Variants in ABLIM1 observed in about 807,000 individuals in gnomAD.
ABLIM1 encodes the protein actin-binding LIM protein 1.
A neutral mutation model predicts 107.0 loss-of-function variants in ABLIM1; 40 were observed. That is an observed-to-expected ratio of 0.37 (90% CI 0.29 to 0.49). ABLIM1 has a LOEUF of 0.49. Among genes scored for constraint, ABLIM1 ranks in the 20% least tolerant of loss-of-function variants. ABLIM1 has a pLI of 0.97. For synonymous variants in ABLIM1, 357 were observed against 357.3 expected (o/e 1.00, Z 0.01); for missense variants, 857 against 1,008.5 (o/e 0.85, Z 2.04).
intron 6 of ABLIM1, among the ~76,000 whole-genome samples, chr10:114,505,977 A>G (rs148258263): frequency 1.3e-4 from 20 of 152,340 alleles, no homozygotes; most frequent in Admixed American, 2.0e-4. Context: ...GGTAGTAAGC[A>G]TAGTAACTGA....
At chr10:114,623,823 G>T (rs929092291) in intron 1 of ABLIM1, among the ~76,000 whole-genome samples, 3 of 152,152 alleles carry the variant, frequency 2.0e-5, no homozygotes, top group African/African-American at 7.2e-5. Flanking sequence ...AAAAAGCCAG[G>T]ATCTTCATAG....
intron 3 of ABLIM1, among the ~76,000 whole-genome samples, chr10:114,574,034 A>C (rs2072097742): frequency 1.3e-5 from 2 of 152,234 alleles, no homozygotes; most frequent in South Asian, 4.1e-4. Flanking sequence ...AAGTTATTTA[A>C]ATAATTTTAT....
intron 6 of ABLIM1, among the ~76,000 whole-genome samples, chr10:114,529,448 A>G (rs2065224244): frequency 6.6e-6 from 1 of 152,000 alleles, no homozygotes; most frequent in Non-Finnish European, 1.5e-5. Context: ...ACTCTCCTAT[A>G]TTTGGATGAT....
upstream of ABLIM1, among the ~76,000 whole-genome samples, chr10:114,659,059 C>T (rs940071679): frequency 1.3e-4 from 20 of 152,270 alleles, no homozygotes; most frequent in African/African-American, 4.8e-4. Context: ...ATACAAAAGT[C>T]CCAAGTCAAA....
At chr10:114,627,851 G>A (rs1479212110) in intron 1 of ABLIM1, among the ~76,000 whole-genome samples, 17 of 152,150 alleles carry the variant, frequency 1.1e-4, no homozygotes, top group Non-Finnish European at 2.1e-4. Context: ...GCCTGGGAAC[G>A]GTGGCTCTTG....
chr10:114,463,086 G>A (rs1589957840), intron 12 of ABLIM1: 2 of 1,340,418 alleles, frequency 1.5e-6, no homozygotes. Context: ...AGGGGGGTTG[G>A]GGCGGGAGTC....
At chr10:114,714,809 G>A (rs1566266001) in intron 1 of ABLIM1, among the ~76,000 whole-genome samples, 2 of 152,178 alleles carry the variant, frequency 1.3e-5, no homozygotes, top group African/African-American at 2.4e-5. Context: ...GCTGTAACAA[G>A]AAGTAAAGAA....
At chr10:114,778,166 C>A in the ABLIM1 span, 1 of 152,856 alleles carries the variant, frequency 6.5e-6, no homozygotes, top group Non-Finnish European at 1.5e-5. Context: ...GAGTTTGAGA[C>A]CAGCCTGGGC....
chr10:114,483,726 T>A (rs751977289), intron 8 of ABLIM1, among the ~76,000 whole-genome samples: 1 of 152,150 alleles, frequency 6.6e-6, no homozygotes, highest in African/African-American at 2.4e-5. Context: ...ACTCTTCTTA[T>A]CCTTAGCGCA....
At chr10:114,468,521 C>G (rs1279098488) in intron 10 of ABLIM1, among the ~76,000 whole-genome samples, 1 of 151,990 alleles carries the variant, frequency 6.6e-6, no homozygotes, top group Non-Finnish European at 1.5e-5. Context: ...TGATCCGCCC[C>G]CCTTAGCCTC....
At chr10:114,739,651 A>AT (rs909206027) in intron 1 of ABLIM1, among the ~76,000 whole-genome samples, 15 of 151,900 alleles carry the variant, frequency 9.9e-5, no homozygotes, top group Non-Finnish European at 1.5e-4. Context: ...TGATTTCTTG[A>AT]TTTTTTTTAA....
chr10:114,677,947 G>C (rs1481098824), intron 1 of ABLIM1, among the ~76,000 whole-genome samples: 5 of 152,184 alleles, frequency 3.3e-5, no homozygotes, highest in African/African-American at 9.6e-5. Context: ...AAGTTGGTGA[G>C]TAAAATCTAG....
intron 1 of ABLIM1, among the ~76,000 whole-genome samples, chr10:114,640,059 C>T (rs2078667851): frequency 6.6e-6 from 1 of 152,188 alleles, no homozygotes; most frequent in Non-Finnish European, 1.5e-5. Flanking sequence ...TATATTCCTT[C>T]CTATCCATGT....
Position 114,453,474 on chromosome 10 carries a change from G to A in ABLIM1, c.1451C>T (p.Pro484Leu), listed in dbSNP as rs200916204. The A allele has an allele frequency of 5.0e-5, 80 of 1,589,342 alleles. 2 individuals carry two copies. Among genetic ancestry groups the A allele is most frequent in the East Asian group, 4.8e-4 (21 of 43,894 alleles). ...GAGAGGGGAGTTCCGGCCGCTGGAC[G>A]GCTCATTGCCTCCAATGAGAAGAAT... ...PQHFHRPGNEPSSGRNSPLPY... is the reference protein window; with the variant it reads ...PQHFHRPGNELSSGRNSPLPY... Residue 484 changes from proline to leucine, a missense_variant, in exon 13 of 23, where the codon CCG (proline) becomes CTG (leucine). This residue lies in a region of ABLIM1 where 381 missense variants were observed against 506.9 expected (regional missense o/e 0.75). Coordinates refer to ENST00000533213, the MANE Select transcript of ABLIM1 (RefSeq NM_002313.7).
intron 16 of ABLIM1, among the ~76,000 whole-genome samples, chr10:114,444,361 G>C (rs1221061295): frequency 6.6e-6 from 1 of 152,034 alleles, no homozygotes; most frequent in Non-Finnish European, 1.5e-5. Context: ...CCTAAGTCAG[G>C]CTCTGTGTTA....
chr10:114,773,417 G>A, the ABLIM1 span, among the ~76,000 whole-genome samples: 1 of 152,128 alleles, frequency 6.6e-6, no homozygotes, highest in African/African-American at 2.4e-5. Flanking sequence ...GCCTATAATT[G>A]TTCATTTAAA....
At chr10:114,446,576 T>G in intron 15 of ABLIM1, among the ~76,000 whole-genome samples, 1 of 152,248 alleles carries the variant, frequency 6.6e-6, no homozygotes, top group East Asian at 1.9e-4. Context: ...AGTCTTAGTT[T>G]TCAGCATTTT....
intron 1 of ABLIM1, among the ~76,000 whole-genome samples, chr10:114,723,226 C>T (rs1351195654): frequency 1.3e-5 from 2 of 152,058 alleles, no homozygotes; most frequent in Admixed American, 6.6e-5. Flanking sequence ...CAGGAGAGGC[C>T]GACTTAGGTG....
At chr10:114,647,226 T>C (rs1034273027) in intron 1 of ABLIM1, among the ~76,000 whole-genome samples, 15 of 145,636 alleles carry the variant, frequency 1.0e-4, no homozygotes, top group African/African-American at 4.2e-4. Context: ...CTTGAACTGC[T>C]GACCTCAGGT....
Sources: allele counts gnomAD v4.1 joint callset (sites outside exome capture counted in the v4.1 genomes callset), GRCh38; gene constraint gnomAD v4.1.1; regional missense constraint gnomAD v4.1.1; transcripts MANE v1.5; gene names NCBI Gene and HGNC (gene_info 2026-07-23, HGNC 2026-07-21).